Variants in SPIRE1 observed in about 807,000 individuals in gnomAD.
SPIRE1 encodes the protein protein spire homolog 1.
In SPIRE1, 40 loss-of-function variants were observed where a neutral mutation model predicts 94.1. The observed-to-expected ratio is 0.43, with a 90% CI of 0.33 to 0.55. The LOEUF (loss-of-function observed/expected upper bound fraction) is 0.55, where lower values mean the gene tolerates loss of function less well. Ranked by LOEUF, SPIRE1 falls within the 20% of genes least tolerant of loss-of-function variation. The pLI, the probability that SPIRE1 is intolerant of heterozygous loss-of-function variation, is 0.06. For missense variants in SPIRE1, 838 were observed against 975.2 expected (o/e 0.86, Z 1.87); for synonymous variants, 376 against 371.7 (o/e 1.01, Z -0.13).
chr18:12,463,669 C>T (rs569995156), intron 11 of SPIRE1, among the ~76,000 whole-genome samples, 176 bp from the exon 12 acceptor site: 6 of 152,244 alleles, frequency 3.9e-5, no homozygotes, highest in African/African-American at 1.4e-4. Context: ...ACAGAAGAAT[C>T]TTTGCAAAGT....
At chr18:12,618,276 A>G (rs1476514661) in intron 2 of SPIRE1, among the ~76,000 whole-genome samples, 1 of 151,668 alleles carries the variant, frequency 6.6e-6, no homozygotes, top group Non-Finnish European at 1.5e-5. Flanking sequence ...TAATTTTTGT[A>G]TTTTTAGTAG....
At chr18:12,658,317 A>G, upstream of SPIRE1, 1 of 439,164 alleles carries the variant, frequency 2.3e-6, no homozygotes, top group Non-Finnish European at 4.5e-6. Flanking sequence ...GCCCGGTCGC[A>G]AGGGACACAC....
At chr18:12,468,706 T>C (rs1361655786) in intron 10 of SPIRE1, among the ~76,000 whole-genome samples, 1 of 151,964 alleles carries the variant, frequency 6.6e-6, no homozygotes. Flanking sequence ...ATCTAGAAAA[T>C]GTGGTTGGGT....
intron 1 of SPIRE1, among the ~76,000 whole-genome samples, chr18:12,654,534 C>A (rs893509836): frequency 3.3e-5 from 5 of 151,294 alleles, no homozygotes; most frequent in African/African-American, 1.2e-4. Flanking sequence ...TTAGTCCCAG[C>A]TACTCGGGAG....
intron 5 of SPIRE1, among the ~76,000 whole-genome samples, chr18:12,508,519 A>C (rs190998509): frequency 6.6e-6 from 1 of 152,276 alleles, no homozygotes; most frequent in East Asian, 1.9e-4. Flanking sequence ...TTTTGTCCCA[A>C]CTTCCACATT....
chr18:12,625,422 C>T (rs1490549963), intron 2 of SPIRE1, among the ~76,000 whole-genome samples: 2 of 152,190 alleles, frequency 1.3e-5, no homozygotes, highest in Non-Finnish European at 2.9e-5. Context: ...TTTATTCTTC[C>T]AGTCCTCTTT....
chr18:12,526,056 T>TACACAGACACACACACAC (rs2034511678), intron 4 of SPIRE1, among the ~76,000 whole-genome samples: 2 of 122,584 alleles, frequency 1.6e-5, no homozygotes, highest in Non-Finnish European at 3.4e-5. Context: ...ATACTGAAGA[T>TACACAGACACACACACAC]ACACACACAC....
intron 4 of SPIRE1, among the ~76,000 whole-genome samples, chr18:12,534,922 T>A (rs2034791453): frequency 6.6e-6 from 1 of 152,216 alleles, no homozygotes; most frequent in Non-Finnish European, 1.5e-5. Flanking sequence ...CCCTGACTAA[T>A]ATATACCCAT....
chr18:12,649,894 T>C (rs1489753381), intron 1 of SPIRE1, among the ~76,000 whole-genome samples: 1 of 152,086 alleles, frequency 6.6e-6, no homozygotes, highest in Non-Finnish European at 1.5e-5. Context: ...TTGTGACCCC[T>C]CTCTTATAAC....
At chr18:12,652,585 T>G (rs2038410124) in intron 1 of SPIRE1, among the ~76,000 whole-genome samples, 1 of 152,240 alleles carries the variant, frequency 6.6e-6, no homozygotes, top group Non-Finnish European at 1.5e-5. Flanking sequence ...CTTTCCTTTT[T>G]CTTGAATTTA....
At chr18:12,519,971 T>C (rs1050644312) in intron 4 of SPIRE1, among the ~76,000 whole-genome samples, 3 of 152,140 alleles carry the variant, frequency 2.0e-5, no homozygotes, top group South Asian at 2.1e-4. Flanking sequence ...TCAAGAAAAA[T>C]AGGTTAAAAA....
At chr18:12,568,119 C>T (rs778484811) in intron 2 of SPIRE1, among the ~76,000 whole-genome samples, 11 of 152,184 alleles carry the variant, frequency 7.2e-5, no homozygotes, top group Non-Finnish European at 1.6e-4. Context: ...CATACGTAGA[C>T]GTAGAAGAGT....
chr18:12,558,309 G>C (rs28821540), intron 2 of SPIRE1, among the ~76,000 whole-genome samples: 1 of 152,048 alleles, frequency 6.6e-6, no homozygotes, highest in Non-Finnish European at 1.5e-5. Flanking sequence ...GGAGTTGTTC[G>C]TGCCTCCTGG....
intron 2 of SPIRE1, among the ~76,000 whole-genome samples, chr18:12,604,910 C>T (rs992590690): frequency 6.6e-6 from 1 of 152,094 alleles, no homozygotes; most frequent in African/African-American, 2.4e-5. Context: ...AAAATATGAT[C>T]CAGCCTTCAA....
intron 2 of SPIRE1, among the ~76,000 whole-genome samples, chr18:12,606,620 T>G (rs2036985334): frequency 1.3e-5 from 2 of 151,542 alleles, no homozygotes; most frequent in Middle Eastern, 3.4e-3. Flanking sequence ...AACCTCCACC[T>G]CCCAGGTTCA....
intron 10 of SPIRE1, among the ~76,000 whole-genome samples, chr18:12,466,809 C>CA (rs1452331396): frequency 6.6e-6 from 1 of 152,032 alleles, no homozygotes; most frequent in Non-Finnish European, 1.5e-5. Context: ...CCCATCAACC[C>CA]ATCACATAGG....
At chr18:12,453,231 G>T in intron 13 of SPIRE1, 93 bp from the exon 14 acceptor site, 1 of 789,428 alleles carries the variant, frequency 1.3e-6, no homozygotes, top group Non-Finnish European at 2.0e-6. Flanking sequence ...TATATATAGG[G>T]GAAGCTGAAC....
intron 2 of SPIRE1, among the ~76,000 whole-genome samples, chr18:12,577,029 AGGTAGTTCAAT>A (rs1432865125): frequency 2.0e-5 from 3 of 152,306 alleles, no homozygotes; most frequent in African/African-American, 7.2e-5. Context: ...GAAAGTGCCA[AGGTAGTTCAAT>A]GGGGAAAGGA....
intron 8 of SPIRE1, among the ~76,000 whole-genome samples, chr18:12,489,824 C>T (rs150545815): frequency 1.9e-4 from 29 of 152,308 alleles, no homozygotes; most frequent in Middle Eastern, 3.4e-3. Flanking sequence ...TTGTAATGCA[C>T]AAGTAAATTC....
Sources: allele counts gnomAD v4.1 joint callset (sites outside exome capture counted in the v4.1 genomes callset), GRCh38; gene constraint gnomAD v4.1.1; transcripts MANE v1.5; gene names NCBI Gene and HGNC (gene_info 2026-07-23, HGNC 2026-07-21).